Variants in ROBO2 observed in about 807,000 individuals in gnomAD.
The protein encoded by ROBO2 is roundabout guidance receptor 2.
Under a neutral mutation model 160.8 loss-of-function variants are expected in ROBO2, and 53 were observed. That is an observed-to-expected ratio of 0.33 (90% CI 0.26 to 0.41). The LOEUF is 0.41. Among genes scored for constraint, ROBO2 ranks in the 10% least tolerant of loss-of-function variants. ROBO2 has a pLI of 1.00. For missense variants in ROBO2, 1,577 were observed against 1,722.4 expected (o/e 0.92, Z 1.49); for synonymous variants, 664 against 611.7 (o/e 1.09, Z -1.26).
intron 2 of ROBO2, among the ~76,000 whole-genome samples, chr3:77,367,631 T>C (rs920121894): frequency 6.6e-6 from 1 of 152,194 alleles, no homozygotes; most frequent in Admixed American, 6.5e-5. Context: ...GTTCCAACCT[T>C]TAAGAGCAGG....
intron 2 of ROBO2, among the ~76,000 whole-genome samples, chr3:77,115,572 A>C (rs188547204): frequency 6.6e-6 from 1 of 152,328 alleles, no homozygotes; most frequent in East Asian, 1.9e-4. Context: ...TAACAAATAC[A>C]ATAAGCCTCA....
At chr3:76,417,609 A>G (rs1347847516) in intron 2 of ROBO2, among the ~76,000 whole-genome samples, 2 of 152,162 alleles carry the variant, frequency 1.3e-5, no homozygotes. Context: ...TAATTGGGGA[A>G]AGAATAGTTA....
At chr3:76,458,494 A>G (rs1577339814) in intron 2 of ROBO2, among the ~76,000 whole-genome samples, 2 of 152,022 alleles carry the variant, frequency 1.3e-5, no homozygotes, top group Middle Eastern at 6.8e-3. Flanking sequence ...ACTTTCCCAC[A>G]TTTTCCTGTC....
At chr3:77,294,812 C>T (rs1231385222) in intron 2 of ROBO2, among the ~76,000 whole-genome samples, 1 of 150,084 alleles carries the variant, frequency 6.7e-6, no homozygotes. Context: ...GGCTAGATCA[C>T]CCCAGACATA....
intron 2 of ROBO2, among the ~76,000 whole-genome samples, chr3:76,339,516 GTTTATC>G (rs979162182): frequency 1.6e-4 from 24 of 152,196 alleles, no homozygotes; most frequent in African/African-American, 5.8e-4. Context: ...TGACCTGGGA[GTTTATC>G]TTTCTCTTTC....
intron 2 of ROBO2, among the ~76,000 whole-genome samples, chr3:76,276,231 A>G (rs975613041): frequency 2.0e-5 from 3 of 152,154 alleles, no homozygotes; most frequent in African/African-American, 7.2e-5. Flanking sequence ...TGTGAAATTC[A>G]ATATGTGAAA....
chr3:77,599,556 G>A (rs1239647529), intron 19 of ROBO2, among the ~76,000 whole-genome samples: 2 of 151,218 alleles, frequency 1.3e-5, no homozygotes, highest in Non-Finnish European at 2.9e-5. Context: ...TAAATGACGA[G>A]TTAATGGGTG....
chr3:76,153,998 C>T (rs758493916), intron 2 of ROBO2, among the ~76,000 whole-genome samples: 1 of 152,048 alleles, frequency 6.6e-6, no homozygotes, highest in Non-Finnish European at 1.5e-5. Context: ...TAACAGATTC[C>T]TCTGCTTGCC....
chr3:77,354,951 A>G lies in ROBO2; in HGVS notation c.389-122463A>G, dbSNP rs143059302. On this transcript the variant is annotated intron_variant, in intron 2 of 25. Coordinates refer to ENST00000461745, the Ensembl canonical transcript of ROBO2. Reference sequence around the variant, plus strand: ...ATACCGAAGGTTTCTTTGTTAAGTCAAGTTTGTTGAAGTAGAATTGATATA... The same window carrying G: ...ATACCGAAGGTTTCTTTGTTAAGTCGAGTTTGTTGAAGTAGAATTGATATA... Among the ~76,000 whole-genome samples, 102 of 152,328 alleles carry G rather than the reference A, an allele frequency of 6.7e-4. No individual in the cohort carries two copies. In the Middle Eastern group the frequency reaches 0.017, roughly 25 times the overall value.
At chr3:77,056,526 T>C (rs2065761543) in intron 1 of ROBO2, among the ~76,000 whole-genome samples, 1 of 152,182 alleles carries the variant, frequency 6.6e-6, no homozygotes, top group African/African-American at 2.4e-5. Flanking sequence ...TGGCAACCTC[T>C]TATTTCTTTG....
intron 2 of ROBO2, among the ~76,000 whole-genome samples, chr3:77,142,089 TTC>T (rs1010532344): frequency 4.0e-5 from 6 of 151,320 alleles, no homozygotes; most frequent in South Asian, 2.1e-4. Context: ...CTCTCTCTGT[TTC>T]TCTCTCTCTC....
intron 2 of ROBO2, among the ~76,000 whole-genome samples, chr3:76,263,414 A>T (rs376736840): frequency 1.8e-4 from 28 of 152,138 alleles, no homozygotes; most frequent in East Asian, 1.2e-3. Flanking sequence ...GTAGGTACAG[A>T]GTCTTGCTGT....
chr3:75,913,354 C>A (rs1157688621), intron 1 of ROBO2, among the ~76,000 whole-genome samples: 1 of 152,112 alleles, frequency 6.6e-6, no homozygotes, highest in Non-Finnish European at 1.5e-5. Flanking sequence ...CAGCACATTC[C>A]CAGGGCCTGG....
intron 2 of ROBO2, among the ~76,000 whole-genome samples, chr3:77,414,594 G>T (rs1173163337): frequency 1.3e-5 from 2 of 152,156 alleles, no homozygotes; most frequent in African/African-American, 4.8e-5. Context: ...AAACAAGACG[G>T]GAGCTAGGCA....
intron 2 of ROBO2, among the ~76,000 whole-genome samples, chr3:76,564,347 A>T (rs895105073): frequency 1.3e-5 from 2 of 151,434 alleles, no homozygotes; most frequent in African/African-American, 4.9e-5. Flanking sequence ...GCCTAAGAGA[A>T]ATCACATACA....
chr3:77,136,792 A>G lies in ROBO2; in HGVS notation c.388+38452A>G, dbSNP rs74785772. On this transcript the variant is annotated intron_variant, in intron 2 of 25. Transcript: ENST00000461745. Reference sequence around the variant, plus strand: ...GCTGGGACTACAGGTGCATGCCACCATGCCCAGCTAATTTTTGTATTTTTA... The same window carrying G: ...GCTGGGACTACAGGTGCATGCCACCGTGCCCAGCTAATTTTTGTATTTTTA... Among the ~76,000 whole-genome samples, 3,227 of 151,938 alleles carry G rather than the reference A, an allele frequency of 0.021. 177 individuals are homozygous for G. The East Asian group carries it at 0.23, about 11-fold the overall frequency.
intron 2 of ROBO2, among the ~76,000 whole-genome samples, chr3:76,800,887 C>T (rs2064145303): frequency 6.6e-6 from 1 of 152,108 alleles, no homozygotes; most frequent in South Asian, 2.1e-4. Context: ...ATCCAGGGAT[C>T]CCACAGCTAG....
intron 2 of ROBO2, among the ~76,000 whole-genome samples, chr3:76,051,056 T>C (rs2107815013): frequency 6.6e-6 from 1 of 152,348 alleles, no homozygotes; most frequent in Non-Finnish European, 1.5e-5. Context: ...ATCATGTGTA[T>C]AATTATTTTT....
chr3:76,272,863 TAA>T (rs1707591405), intron 2 of ROBO2, among the ~76,000 whole-genome samples: 1 of 87,064 alleles, frequency 1.1e-5, no homozygotes. Context: ...ATAAAATATA[TAA>T]AATATATAAT....
Sources: gnomAD v4.1 joint callset for allele counts (sites outside exome capture counted in the v4.1 genomes callset) on GRCh38, gnomAD v4.1.1 for gene constraint, MANE v1.5 for transcripts, NCBI Gene and HGNC (gene_info 2026-07-23, HGNC 2026-07-21) for gene names.